The following MGAT4C variants were observed in gnomAD, a reference collection of about 807,000 sequenced individuals.
The protein encoded by MGAT4C is alpha-1,3-mannosyl-glycoprotein 4-beta-N-acetylglucosaminyltransferase C.
In MGAT4C, 19 loss-of-function variants were observed where a neutral mutation model predicts 40.1. The ratio of observed to expected loss-of-function variants is 0.47; its 90% confidence interval spans 0.33 to 0.70. The LOEUF is 0.70. Among genes scored for constraint, MGAT4C ranks in the 30% least tolerant of loss-of-function variants. MGAT4C has a pLI of 0.02. For synonymous variants in MGAT4C, 181 were observed against 187.1 expected, an observed-to-expected ratio of 0.97 and a Z score of 0.27; for missense variants, 491 against 563.2, an observed-to-expected ratio of 0.87 and a Z score of 1.30.
intron 3 of MGAT4C, among the ~76,000 whole-genome samples, chr12:86,433,478 A>C (rs916334510): frequency 6.6e-6 from 1 of 151,980 alleles, no homozygotes; most frequent in African/African-American, 2.4e-5. Context: ...GCCTATTGCA[A>C]CAGTCTTTAA....
chr12:86,151,789 T>C (rs1021701259), intron 1 of MGAT4C, among the ~76,000 whole-genome samples: 18 of 152,392 alleles, frequency 1.2e-4, no homozygotes, highest in South Asian at 4.1e-4. Context: ...GCATGGCTCA[T>C]AGTCATGGCT....
At chr12:86,493,455 T>C (rs1958177046) in intron 2 of MGAT4C, among the ~76,000 whole-genome samples, 1 of 152,102 alleles carries the variant, frequency 6.6e-6, no homozygotes, top group Non-Finnish European at 1.5e-5. Flanking sequence ...CACCATGGAA[T>C]ACCATGCAGC....
chr12:86,694,927 C>A (rs939496460), intron 2 of MGAT4C, among the ~76,000 whole-genome samples: 2 of 152,038 alleles, frequency 1.3e-5, no homozygotes, highest in Admixed American at 1.3e-4. Context: ...GGGATCACAT[C>A]AAATTAAAAG....
chr12:85,998,093 T>G (rs1886839082), intron 2 of MGAT4C, among the ~76,000 whole-genome samples: 3 of 152,354 alleles, frequency 2.0e-5, no homozygotes, highest in Admixed American at 1.3e-4. Flanking sequence ...TTCACTTCCA[T>G]GCACTCTCAG....
At chr12:86,539,929 T>G (rs1039716779) in intron 2 of MGAT4C, among the ~76,000 whole-genome samples, 1 of 152,236 alleles carries the variant, frequency 6.6e-6, no homozygotes, top group African/African-American at 2.4e-5. Context: ...TAGCCCTTTG[T>G]CAGATTGGTA....
chr12:86,164,237 C>G (rs950212681), intron 1 of MGAT4C, among the ~76,000 whole-genome samples: 16 of 152,096 alleles, frequency 1.1e-4, no homozygotes, highest in Admixed American at 7.2e-4. Context: ...GCTGAAAGAT[C>G]TGAAGTTTAA....
At position 86,445,533 on chromosome 12, in the gene MGAT4C, C is replaced by T. The variant is rs369030969; in HGVS notation, c.-228-10268G>A. Among the ~76,000 whole-genome samples, 7 of 152,200 alleles carry T rather than the reference C, an allele frequency of 4.6e-5. No homozygotes were observed. In the South Asian group the frequency reaches 1.5e-3, roughly 32 times the overall value. The stretch of plus-strand genomic sequence containing the variant: ...GTACTCATCTTATGACTCAAGAATT[C>T]CACTCCTAGTTTCATATTCAAGAAG... On this transcript the variant is annotated intron_variant, in intron 2 of 7. Coordinates refer to the MGAT4C transcript ENST00000548651.
intron 1 of MGAT4C, among the ~76,000 whole-genome samples, chr12:86,102,213 TA>T (rs1875234729): frequency 6.6e-6 from 1 of 151,992 alleles, no homozygotes; most frequent in African/African-American, 2.4e-5. Flanking sequence ...CATATTGATG[TA>T]GAAATGGAAT....
In MGAT4C at chr12:86,578,650, T is replaced by C. The variant is rs146489985; in HGVS notation, c.-228-143385A>G. Among the ~76,000 whole-genome samples the C allele has an allele frequency of 2.6e-3, 392 of 151,948 alleles. 1 individual carries two copies. Among genetic ancestry groups the C allele is most frequent in the African/African-American group, 9.3e-3 (385 of 41,546 alleles). On this transcript the variant is annotated intron_variant, in intron 2 of 7. Transcript: ENST00000548651. ...CTAGATTTTTCAATTTATTGGCATA[T>C]AGTTGCTGATATTAGCCACTAATGA...
chr12:86,484,270 C>T (rs1054056368), intron 2 of MGAT4C, among the ~76,000 whole-genome samples: 1 of 152,188 alleles, frequency 6.6e-6, no homozygotes, highest in Non-Finnish European at 1.5e-5. Flanking sequence ...TAGAGGCTTT[C>T]TGTCTTTCTC....
At chr12:86,387,303 GAT>G (rs1956070379) in intron 3 of MGAT4C, among the ~76,000 whole-genome samples, 1 of 151,862 alleles carries the variant, frequency 6.6e-6, no homozygotes, top group Admixed American at 6.6e-5. Flanking sequence ...TATAATATTT[GAT>G]ATTGTAAATA....
chr12:86,631,467 G>T (rs1351622413), intron 2 of MGAT4C, among the ~76,000 whole-genome samples: 2 of 151,818 alleles, frequency 1.3e-5, no homozygotes, highest in Non-Finnish European at 2.9e-5. Context: ...AGCCAAAAGA[G>T]CAAAGCTGGA....
At chr12:86,578,865 T>G (rs1312572502) in intron 2 of MGAT4C, among the ~76,000 whole-genome samples, 1 of 151,584 alleles carries the variant, frequency 6.6e-6, no homozygotes. Context: ...GATCTTTATT[T>G]TTTTCTTCTA....
At chr12:86,318,564 C>CT (rs1380792943) in intron 4 of MGAT4C, among the ~76,000 whole-genome samples, 1 of 152,062 alleles carries the variant, frequency 6.6e-6, no homozygotes, top group Non-Finnish European at 1.5e-5. Flanking sequence ...AATATTATGT[C>CT]TTTTTTTGTA....
intron 1 of MGAT4C, among the ~76,000 whole-genome samples, chr12:86,828,197 A>C (rs2136233350): frequency 6.6e-6 from 1 of 151,244 alleles, no homozygotes; most frequent in East Asian, 2.0e-4. Context: ...TGTCTATAAT[A>C]GTTTATTCAA....
At chr12:86,193,536 A>G (rs759389933) in intron 1 of MGAT4C, among the ~76,000 whole-genome samples, 3 of 151,876 alleles carry the variant, frequency 2.0e-5, no homozygotes, top group Non-Finnish European at 4.4e-5. Flanking sequence ...CAGGAAAAAA[A>G]CTCACTTTAC....
At chr12:86,583,142 A>G (rs1212683022) in intron 2 of MGAT4C, among the ~76,000 whole-genome samples, 2 of 151,290 alleles carry the variant, frequency 1.3e-5, no homozygotes, top group Non-Finnish European at 3.0e-5. Context: ...CTCTGAAAGA[A>G]GTTTTCAGAA....
At chr12:86,148,407 C>T (rs1883839494) in intron 1 of MGAT4C, among the ~76,000 whole-genome samples, 1 of 152,214 alleles carries the variant, frequency 6.6e-6, no homozygotes. Context: ...AACTGTGCCT[C>T]TGCATCTGTT....
intron 1 of MGAT4C, among the ~76,000 whole-genome samples, chr12:86,754,026 G>C (rs1044988692): frequency 6.6e-6 from 1 of 152,116 alleles, no homozygotes; most frequent in African/African-American, 2.4e-5. Context: ...TTTATATAGA[G>C]AGACTTGTAT....
Sources: gnomAD v4.1 joint callset for allele counts (sites outside exome capture counted in the v4.1 genomes callset) on GRCh38, gnomAD v4.1.1 for gene constraint, MANE v1.5 for transcripts, NCBI Gene and HGNC (gene_info 2026-07-23, HGNC 2026-07-21) for gene names.